Variants in CNTN4 observed in about 807,000 individuals in gnomAD.
The protein encoded by CNTN4 is contactin 4, also known as contactin-4.
In CNTN4, 77 loss-of-function variants were observed where a neutral mutation model predicts 122.5. The ratio of observed to expected loss-of-function variants is 0.63; its 90% CI spans 0.52 to 0.76. The LOEUF (loss-of-function observed/expected upper bound fraction) is 0.76. Among genes scored for constraint, CNTN4 ranks in the 30% least tolerant of loss-of-function variants. CNTN4 has a pLI of 0.00. For synonymous variants in CNTN4, 512 were observed against 447.0 expected, an observed-to-expected ratio of 1.15 and a Z score of -1.83; for missense variants, 1,256 against 1,259.1, an observed-to-expected ratio of 1.00 and a Z score of 0.04.
At chr3:2,126,041 C>T (rs980671230) in intron 2 of CNTN4, among the ~76,000 whole-genome samples, 7 of 151,898 alleles carry the variant, frequency 4.6e-5, no homozygotes, top group African/African-American at 1.2e-4. Context: ...AAGCTCTTTC[C>T]GTAGTGTGTC....
chr3:3,051,374 T>C (rs1261730019), intron 23 of CNTN4, among the ~76,000 whole-genome samples: 1 of 152,210 alleles, frequency 6.6e-6, no homozygotes, highest in Non-Finnish European at 1.5e-5. Flanking sequence ...TCTGCTGCAG[T>C]CCATAATACT....
chr3:2,928,143 C>A (rs899687960), intron 13 of CNTN4, among the ~76,000 whole-genome samples: 1 of 152,166 alleles, frequency 6.6e-6, no homozygotes, highest in Non-Finnish European at 1.5e-5. Context: ...AACTAGAAAT[C>A]TAGACTTTTG....
intron 7 of CNTN4, among the ~76,000 whole-genome samples, chr3:2,826,763 G>A (rs1249359934): frequency 6.6e-6 from 1 of 152,196 alleles, no homozygotes; most frequent in Admixed American, 6.5e-5. Context: ...CTAAAAGTGA[G>A]CAGCCTCTAT....
At chr3:2,429,080 C>G (rs1481735033) in intron 3 of CNTN4, among the ~76,000 whole-genome samples, 1 of 152,216 alleles carries the variant, frequency 6.6e-6, no homozygotes, top group Non-Finnish European at 1.5e-5. Context: ...CTTCTCTCAA[C>G]TTGTCAAAGT....
chr3:2,865,811 C>T (rs2093717793), intron 7 of CNTN4, among the ~76,000 whole-genome samples: 1 of 152,182 alleles, frequency 6.6e-6, no homozygotes, highest in African/African-American at 2.4e-5. Flanking sequence ...AGCATGGGCT[C>T]ATGTGGTCCT....
intron 2 of CNTN4, among the ~76,000 whole-genome samples, chr3:2,318,486 A>T (rs1221450288): frequency 6.6e-6 from 1 of 152,176 alleles, no homozygotes; most frequent in Non-Finnish European, 1.5e-5. Context: ...TCTTCATTGA[A>T]GCATTTGTAT....
chr3:2,780,812 T>A (rs138116800), intron 6 of CNTN4, among the ~76,000 whole-genome samples: 219 of 152,368 alleles, frequency 1.4e-3, no homozygotes, highest in Middle Eastern at 0.01. Context: ...GAGGTAAAGT[T>A]GTGATGCTGT....
intron 3 of CNTN4, among the ~76,000 whole-genome samples, chr3:2,430,785 A>G (rs1277631504): frequency 6.6e-6 from 1 of 152,144 alleles, no homozygotes; most frequent in East Asian, 1.9e-4. Context: ...TTATTTTAGC[A>G]TTTATATTTC....
At chr3:2,329,447 C>T (rs1372857887) in intron 2 of CNTN4, among the ~76,000 whole-genome samples, 2 of 152,150 alleles carry the variant, frequency 1.3e-5, no homozygotes, top group South Asian at 2.1e-4. Flanking sequence ...AAACGCTCAA[C>T]GAAGAAAGCC....
chr3:2,511,494 A>G (rs2076884890), intron 3 of CNTN4: 1 of 152,262 alleles, frequency 6.6e-6, no homozygotes. Flanking sequence ...AGAGCCATGC[A>G]GCGCGCAGCG....
At chr3:2,442,049 A>G (rs1400311240) in intron 3 of CNTN4, among the ~76,000 whole-genome samples, 1 of 152,192 alleles carries the variant, frequency 6.6e-6, no homozygotes, top group African/African-American at 2.4e-5. Context: ...TGGTTAGAAA[A>G]CCACCAGGGG....
chr3:2,782,343 A>G (rs76772537), intron 6 of CNTN4, among the ~76,000 whole-genome samples: 3,316 of 152,146 alleles, frequency 0.022, 123 homozygotes, highest in African/African-American at 0.076. Context: ...ATACCTCTGC[A>G]TGCTGTATGA....
chr3:2,551,392 G>C (rs2078499931), intron 3 of CNTN4, among the ~76,000 whole-genome samples: 1 of 151,684 alleles, frequency 6.6e-6, no homozygotes, highest in Non-Finnish European at 1.5e-5. Flanking sequence ...GTGTATGTAG[G>C]CCTACACATG....
intron 3 of CNTN4, among the ~76,000 whole-genome samples, chr3:2,360,281 C>T (rs1413470882): frequency 2.6e-5 from 4 of 151,870 alleles, no homozygotes; most frequent in African/African-American, 9.7e-5. Context: ...ATTTTTATTC[C>T]CTTATTTTTA....
At position 2,939,690 on chromosome 3, in the gene CNTN4, G is replaced by T. The variant is rs73116605; in HGVS notation, c.1358+13911G>T. ...CCCAAACTGCTAAATATAAAACAAA[G>T]ATGGGACCATAAAGAAAGAATGGTT... On this transcript the variant is annotated intron_variant, in intron 13 of 24. Coordinates refer to ENST00000418658, the MANE Select transcript of CNTN4 (RefSeq NM_175607.3). 7.4e-3 allele frequency among the ~76,000 whole-genome samples: 1,126 copies of T among 152,266 alleles called. 21 individuals are homozygous for T. The highest frequency in any genetic ancestry group is 0.025 in the African/African-American group (1,050 of 41,550).
chr3:2,734,463 G>A (rs997804166), intron 4 of CNTN4, among the ~76,000 whole-genome samples: 16 of 152,132 alleles, frequency 1.1e-4, no homozygotes, highest in African/African-American at 2.9e-4. Context: ...TGATTTTCCT[G>A]AGGTCCTGGA....
At chr3:2,131,036 A>C (rs2034425325) in intron 2 of CNTN4, among the ~76,000 whole-genome samples, 1 of 152,208 alleles carries the variant, frequency 6.6e-6, no homozygotes, top group Non-Finnish European at 1.5e-5. Context: ...ATGGACCTGT[A>C]ATATTAAATA....
At chr3:2,809,468 G>T (rs2176261) in intron 6 of CNTN4, among the ~76,000 whole-genome samples, 1 of 152,168 alleles carries the variant, frequency 6.6e-6, no homozygotes, top group African/African-American at 2.4e-5. Context: ...CAAAGCTGGG[G>T]ACGTAGGCAG....
chr3:2,527,632 C>G (rs996159742), intron 3 of CNTN4, among the ~76,000 whole-genome samples: 1 of 152,062 alleles, frequency 6.6e-6, no homozygotes, highest in Non-Finnish European at 1.5e-5. Flanking sequence ...TACATAATAG[C>G]GAGCATTGAC....
Sources: allele counts gnomAD v4.1 joint callset (sites outside exome capture counted in the v4.1 genomes callset), GRCh38; gene constraint gnomAD v4.1.1; transcripts MANE v1.5; gene names NCBI Gene and HGNC (gene_info 2026-07-23, HGNC 2026-07-21).